MTUS2: variants seen among roughly 807,000 people sequenced by gnomAD.
MTUS2 encodes the protein microtubule associated scaffold protein 2, also known as microtubule-associated tumor suppressor candidate 2.
A neutral mutation model predicts 114.1 loss-of-function variants in MTUS2; 40 were observed. The ratio of observed to expected loss-of-function variants is 0.35; its 90% CI spans 0.27 to 0.46. The LOEUF (loss-of-function observed/expected upper bound fraction) is 0.46, where lower values mean the gene tolerates loss of function less well. Among genes scored for constraint, MTUS2 ranks in the 20% least tolerant of loss-of-function variants. The pLI is 1.00. For missense variants in MTUS2, 1,679 were observed against 1,705.4 expected, an observed-to-expected ratio of 0.98 and a Z score of 0.27; for synonymous variants, 688 against 672.0, an observed-to-expected ratio of 1.02 and a Z score of -0.37.
chr13:28,934,763 T>C (rs1881801268), intron 2 of MTUS2, among the ~76,000 whole-genome samples: 1 of 152,228 alleles, frequency 6.6e-6, no homozygotes, highest in Non-Finnish European at 1.5e-5. Flanking sequence ...CCTCAGGTGA[T>C]CTGGCCGCTT....
chr13:29,332,229 A>T (rs1343515743), intron 7 of MTUS2, among the ~76,000 whole-genome samples: 1 of 152,152 alleles, frequency 6.6e-6, no homozygotes, highest in Non-Finnish European at 1.5e-5. Flanking sequence ...TACTGCCTCA[A>T]TTTCAGAACT....
intron 5 of MTUS2, among the ~76,000 whole-genome samples, chr13:29,263,588 G>A (rs1897556526): frequency 6.6e-6 from 1 of 152,148 alleles, no homozygotes; most frequent in African/African-American, 2.4e-5. Context: ...CTCAGCTTCT[G>A]GGGAGGCCTC....
intron 5 of MTUS2, among the ~76,000 whole-genome samples, chr13:29,204,807 C>A (rs937383482): frequency 6.6e-6 from 1 of 152,216 alleles, no homozygotes; most frequent in African/African-American, 2.4e-5. Context: ...TGACCATTGG[C>A]CTCAGAACAC....
intron 2 of MTUS2, among the ~76,000 whole-genome samples, chr13:29,017,654 A>G (rs1886123427): frequency 6.6e-6 from 1 of 151,946 alleles, no homozygotes; most frequent in Non-Finnish European, 1.5e-5. Flanking sequence ...ACGTCTAACC[A>G]GTTGCTCAGT....
chr13:29,009,429 A>T (rs1885743046), intron 2 of MTUS2, among the ~76,000 whole-genome samples: 1 of 151,944 alleles, frequency 6.6e-6, no homozygotes. Context: ...AGTATAATAT[A>T]ATCTAGGTTT....
At chr13:28,990,791 G>A (rs924870473) in intron 2 of MTUS2, among the ~76,000 whole-genome samples, 95 of 152,258 alleles carry the variant, frequency 6.2e-4, no homozygotes, top group African/African-American at 2.2e-3. Context: ...TTGTTCTTTC[G>A]CTCTTCAAAT....
chr13:29,332,287 G>T (rs1900818492), intron 7 of MTUS2, among the ~76,000 whole-genome samples: 2 of 151,820 alleles, frequency 1.3e-5, no homozygotes, highest in African/African-American at 4.9e-5. Flanking sequence ...TTTAGTATTG[G>T]GAGGGTGTAT....
At chr13:29,313,692 A>G (rs934059278) in intron 6 of MTUS2, among the ~76,000 whole-genome samples, 1 of 152,196 alleles carries the variant, frequency 6.6e-6, no homozygotes, top group Non-Finnish European at 1.5e-5. Context: ...ATGAGAGTTT[A>G]CAGATTAAAA....
In MTUS2 at chr13:28,974,622, A is replaced by G. The variant is rs533699690; in HGVS notation, c.-242-49835A>G. Among the ~76,000 whole-genome samples the G allele has an allele frequency of 2.6e-5, 4 of 152,376 alleles. No individual in the cohort carries two copies. In the East Asian group the frequency reaches 7.7e-4, roughly 29 times the overall value. On this transcript the variant is annotated intron_variant, in intron 2 of 15. Transcript: ENST00000612955. ...AGGCTTGTTATATAATAGGTTCATA[A>G]TAAATGTTTGTCCAATCAATGCATA...
At chr13:29,167,601 A>G (rs1427052619) in intron 5 of MTUS2, among the ~76,000 whole-genome samples, 4 of 152,138 alleles carry the variant, frequency 2.6e-5, no homozygotes. Context: ...CAGAAAAGTT[A>G]AAATCAAAAT....
intron 5 of MTUS2, among the ~76,000 whole-genome samples, chr13:29,111,881 T>C (rs1890898209): frequency 6.6e-6 from 1 of 151,996 alleles, no homozygotes; most frequent in Non-Finnish European, 1.5e-5. Flanking sequence ...GAGCCCAAAC[T>C]AGGGGGTTAC....
chr13:29,144,464 A>T (rs1449231460), intron 5 of MTUS2, among the ~76,000 whole-genome samples: 1 of 152,038 alleles, frequency 6.6e-6, no homozygotes, highest in East Asian at 1.9e-4. Context: ...CCTCAGCTCA[A>T]GTGATTCTCC....
At chr13:29,251,292 G>GATGATGATA in intron 5 of MTUS2, among the ~76,000 whole-genome samples, 1 of 146,508 alleles carries the variant, frequency 6.8e-6, no homozygotes, top group Non-Finnish European at 1.5e-5. Context: ...ATGGGATGAT[G>GATGATGATA]ATAATAATAA....
intron 13 of MTUS2, chr13:29,497,625 C>A: frequency 2.3e-6 from 1 of 442,540 alleles, no homozygotes. Flanking sequence ...CTGGAAACCC[C>A]CCTCCGCTGG....
At chr13:29,223,480 G>T (rs980816445) in intron 5 of MTUS2, among the ~76,000 whole-genome samples, 1 of 152,344 alleles carries the variant, frequency 6.6e-6, no homozygotes, top group South Asian at 2.1e-4. Flanking sequence ...GCTACTCACT[G>T]CAGGTCTCCC....
At position 29,026,576 on chromosome 13, in the gene MTUS2, G is replaced by C. The variant is rs752877227; in HGVS notation, c.1878G>C (p.Arg626Ser). ...ENYQVEKTEE[R>S]TETKPIIMPK... ...ATCAGGTTGAAAAAACAGAGGAGAG[G>C]ACAGAAACTAAGCCCATCATTATGC... The change falls in exon 3 of 16, where the codon AGG becomes AGC. Residue 626 changes from arginine (R) to serine (S), a missense_variant. Coordinates refer to ENST00000612955, the MANE Select transcript of MTUS2 (RefSeq NM_001033602.4). The C allele has an allele frequency of 6.2e-6, 10 of 1,613,840 alleles. No homozygotes were observed. The highest frequency in any genetic ancestry group is 3.3e-4 in the Middle Eastern group (2 of 6,062).
chr13:29,268,842 A>G (rs1411430011), intron 5 of MTUS2, among the ~76,000 whole-genome samples: 2 of 151,718 alleles, frequency 1.3e-5, no homozygotes, highest in African/African-American at 4.8e-5. Context: ...CAATCCTCCT[A>G]CCTCAGCCTC....
At chr13:29,320,642 A>G (rs73168257) in intron 6 of MTUS2, among the ~76,000 whole-genome samples, 4,266 of 152,274 alleles carry the variant, frequency 0.028, 101 homozygotes, top group East Asian at 0.098. Flanking sequence ...GGGACTTCCT[A>G]CTGAAGCCCA....
intron 2 of MTUS2, among the ~76,000 whole-genome samples, chr13:28,928,804 C>G (rs1341411781): frequency 1.3e-5 from 2 of 152,108 alleles, no homozygotes; most frequent in South Asian, 2.1e-4. Context: ...GCATTATTCA[C>G]AAAAACCAAA....
Sources: gnomAD v4.1 joint callset for allele counts (sites outside exome capture counted in the v4.1 genomes callset) on GRCh38, gnomAD v4.1.1 for gene constraint, MANE v1.5 for transcripts, NCBI Gene and HGNC (gene_info 2026-07-23, HGNC 2026-07-21) for gene names.